The following ERC1 variants were observed in gnomAD, a reference collection of about 807,000 sequenced individuals.
The protein encoded by ERC1 is RAB6 interacting protein 2.
Under a neutral mutation model 132.0 loss-of-function variants are expected in ERC1, and 56 were observed. The observed-to-expected ratio is 0.42, with a 90% confidence interval of 0.34 to 0.53. The LOEUF is 0.53. Ranked by LOEUF, ERC1 falls within the 20% of genes least tolerant of loss-of-function variation. ERC1 has a pLI of 0.03. For synonymous variants in ERC1, 478 were observed against 476.1 expected (o/e 1.00, Z -0.05); for missense variants, 1,202 against 1,349.9 (o/e 0.89, Z 1.72).
chr12:1,370,682 T>C (rs576639039), intron 15 of ERC1, among the ~76,000 whole-genome samples: 40 of 152,320 alleles, frequency 2.6e-4, no homozygotes, highest in South Asian at 1.2e-3. Flanking sequence ...AATGAAATAC[T>C]AAGTTCTTAC....
chr12:1,074,108 C>T (rs979039716), intron 2 of ERC1, among the ~76,000 whole-genome samples: 6 of 152,048 alleles, frequency 3.9e-5, no homozygotes, highest in East Asian at 3.9e-4. Context: ...GTGATCTGCC[C>T]GCCTCTGCCT....
chr12:1,369,903 T>C (rs958555667), intron 15 of ERC1, among the ~76,000 whole-genome samples: 6 of 151,906 alleles, frequency 3.9e-5, no homozygotes, highest in Non-Finnish European at 8.8e-5. Context: ...TTTGTTAGTA[T>C]TGCTTTCAGA....
intron 18 of ERC1, among the ~76,000 whole-genome samples, chr12:1,462,837 C>T (rs192032418): frequency 2.2e-4 from 34 of 152,278 alleles, no homozygotes; most frequent in East Asian, 3.9e-4. Context: ...AAAAATACTC[C>T]GCCTCCAGTC....
intron 1 of ERC1, among the ~76,000 whole-genome samples, chr12:1,026,926 A>C (rs1002004470): frequency 6.6e-6 from 1 of 152,228 alleles, no homozygotes; most frequent in Non-Finnish European, 1.5e-5. Context: ...GAAGGGATCT[A>C]TAGCTGGTTA....
chr12:1,010,077 T>G (rs1054180620), intron 1 of ERC1, among the ~76,000 whole-genome samples: 2 of 152,214 alleles, frequency 1.3e-5, no homozygotes, highest in Non-Finnish European at 2.9e-5. Flanking sequence ...AATTCTACCT[T>G]AGTGAGTACA....
chr12:1,475,368 G>A (rs1372601930), intron 18 of ERC1, among the ~76,000 whole-genome samples: 1 of 152,106 alleles, frequency 6.6e-6, no homozygotes, highest in Non-Finnish European at 1.5e-5. Context: ...GGCAATATTG[G>A]TATACAAAAA....
At chr12:1,021,406 A>C (rs1210935622) in intron 1 of ERC1, among the ~76,000 whole-genome samples, 1 of 151,864 alleles carries the variant, frequency 6.6e-6, no homozygotes, top group Non-Finnish European at 1.5e-5. Flanking sequence ...CTTACTACTT[A>C]CTATAAAAGT....
Position 1,009,923 on chromosome 12 carries a change from A to C in ERC1, c.-156-17825A>C, listed in dbSNP as rs559536151. On this transcript the variant is annotated intron_variant, in intron 1 of 18. Coordinates refer to ENST00000360905, the MANE Select transcript of ERC1 (RefSeq NM_178040.4). ...TCATTTAAGTAGATTCTGCAATACA[A>C]ATCTCTTCTGGAAACTTTAAAATGC... 9.5e-4 allele frequency among the ~76,000 whole-genome samples: 144 copies of C among 152,310 alleles called. 5 individuals carry two copies. In the South Asian group the frequency reaches 0.028, roughly 30 times the overall value.
chr12:1,397,288 C>T (rs1238090849), intron 16 of ERC1, among the ~76,000 whole-genome samples: 1 of 152,054 alleles, frequency 6.6e-6, no homozygotes. Flanking sequence ...ACTTTGTGAC[C>T]CAGAAGCTTT....
chr12:1,369,000 T>C (rs1042252640), intron 15 of ERC1, among the ~76,000 whole-genome samples: 4 of 152,178 alleles, frequency 2.6e-5, no homozygotes, highest in Non-Finnish European at 5.9e-5. Context: ...ATGAGAGCCA[T>C]GGTCATAGGA....
At chr12:1,217,984 T>C (rs1280086286) in intron 12 of ERC1, among the ~76,000 whole-genome samples, 1 of 152,210 alleles carries the variant, frequency 6.6e-6, no homozygotes, top group Non-Finnish European at 1.5e-5. Context: ...GCCACAGATC[T>C]CAAATTGCTC....
intron 2 of ERC1, among the ~76,000 whole-genome samples, chr12:1,061,146 T>G (rs112549386): frequency 0.022 from 3,360 of 152,284 alleles, 134 homozygotes; most frequent in African/African-American, 0.077. Flanking sequence ...TATCCATTCC[T>G]TCTAGGTTTT....
chr12:1,090,893 A>G lies in ERC1; in HGVS notation c.1086+7313A>G, dbSNP rs1253996650. Among the ~76,000 whole-genome samples the G allele has an allele frequency of 0.014, 210 of 14,852 alleles. 75 individuals are homozygous for G. The Middle Eastern group carries it at 0.15, about 11-fold the overall frequency. The allele number at this position is 14,852 out of a possible 152,430, so 9.7% of individuals were successfully genotyped here. On this transcript the variant is annotated intron_variant, in intron 3 of 18. Coordinates refer to ENST00000360905, the MANE Select transcript of ERC1 (RefSeq NM_178040.4). The stretch of plus-strand genomic sequence containing the variant: ...TATTATTATTATTATTATTATTATT[A>G]TTATTATTATTATTATTATCATTTG...
chr12:1,148,625 T>A (rs911102087), intron 8 of ERC1, among the ~76,000 whole-genome samples: 1 of 152,292 alleles, frequency 6.6e-6, no homozygotes, highest in African/African-American at 2.4e-5. Flanking sequence ...TTTTTGAGAC[T>A]GAGTCTCACT....
At chr12:1,195,508 A>G (rs1956135320) in intron 12 of ERC1, among the ~76,000 whole-genome samples, 1 of 152,206 alleles carries the variant, frequency 6.6e-6, no homozygotes, top group Non-Finnish European at 1.5e-5. Flanking sequence ...CGCATTGAGC[A>G]CATATGCATT....
At chr12:1,430,031 A>G (rs1457990650) in intron 17 of ERC1, among the ~76,000 whole-genome samples, 2 of 152,198 alleles carry the variant, frequency 1.3e-5, no homozygotes, top group South Asian at 2.1e-4. Context: ...TGGGACCGCA[A>G]TTATCTAAAA....
At chr12:1,084,078 A>G (rs1942621591) in intron 3 of ERC1, among the ~76,000 whole-genome samples, 1 of 152,234 alleles carries the variant, frequency 6.6e-6, no homozygotes, top group Non-Finnish European at 1.5e-5. Context: ...AAGATACGTG[A>G]TAAAAATCAT....
chr12:1,217,569 C>T (rs919412712), intron 12 of ERC1, among the ~76,000 whole-genome samples: 11 of 152,104 alleles, frequency 7.2e-5, no homozygotes, highest in African/African-American at 9.7e-5. Flanking sequence ...GATTGTTACC[C>T]GTCAGAATTC....
At chr12:1,273,727 ATGGG>A (rs925152128) in intron 14 of ERC1, among the ~76,000 whole-genome samples, 1 of 152,120 alleles carries the variant, frequency 6.6e-6, no homozygotes, top group South Asian at 2.1e-4. Context: ...TGTTGGACAG[ATGGG>A]TGGGTGGATG....
Sources: allele counts gnomAD v4.1 joint callset (sites outside exome capture counted in the v4.1 genomes callset), GRCh38; gene constraint gnomAD v4.1.1; transcripts MANE v1.5; gene names NCBI Gene and HGNC (gene_info 2026-07-23, HGNC 2026-07-21).